The following SLC24A2 variants were observed in gnomAD, a reference collection of about 807,000 sequenced individuals.
The protein encoded by SLC24A2 is solute carrier family 24 member 2.
A neutral mutation model predicts 62.0 loss-of-function variants in SLC24A2; 36 were observed. The ratio of observed to expected loss-of-function variants is 0.58; its 90% CI spans 0.44 to 0.77. The LOEUF is 0.77. Ranked by LOEUF, SLC24A2 falls within the 30% of genes least tolerant of loss-of-function variation. SLC24A2 has a pLI of 0.00. For synonymous variants in SLC24A2, 358 were observed against 294.0 expected (o/e 1.22, Z -2.23); for missense variants, 846 against 817.9 (o/e 1.03, Z -0.42).
chr9:20,027,258 A>T, the SLC24A2 span, among the ~76,000 whole-genome samples: 1 of 152,276 alleles, frequency 6.6e-6, no homozygotes, highest in Admixed American at 6.5e-5. Context: ...CCCCAATATT[A>T]AAAATAGAAC....
At chr9:19,897,923 T>A in the SLC24A2 span, among the ~76,000 whole-genome samples, 1 of 152,234 alleles carries the variant, frequency 6.6e-6, no homozygotes, top group Non-Finnish European at 1.5e-5. Flanking sequence ...CGCGTGTTAT[T>A]CCCCATCCCA....
At chr9:20,298,969 G>C in the SLC24A2 span, among the ~76,000 whole-genome samples, 2 of 152,318 alleles carry the variant, frequency 1.3e-5, no homozygotes, top group South Asian at 4.1e-4. Context: ...GGATCCTAGA[G>C]GACATGCGGC....
At chr9:20,111,663 T>C in the SLC24A2 span, among the ~76,000 whole-genome samples, 1 of 152,122 alleles carries the variant, frequency 6.6e-6, no homozygotes, top group Non-Finnish European at 1.5e-5. Context: ...AATCTGCATC[T>C]TAATAGGTTC....
At chr9:19,691,801 G>A (rs571272891) in intron 2 of SLC24A2, among the ~76,000 whole-genome samples, 1 of 152,102 alleles carries the variant, frequency 6.6e-6, no homozygotes, top group African/African-American at 2.4e-5. Flanking sequence ...GACAAGGACT[G>A]GAGTTCAAGT....
the SLC24A2 span, among the ~76,000 whole-genome samples, chr9:19,841,628 T>G: frequency 6.6e-6 from 1 of 152,202 alleles, no homozygotes; most frequent in Non-Finnish European, 1.5e-5. Flanking sequence ...TTAAATAGTT[T>G]TTCCTTGCCA....
chr9:20,298,773 A>G, the SLC24A2 span, among the ~76,000 whole-genome samples: 1 of 152,250 alleles, frequency 6.6e-6, no homozygotes, highest in African/African-American at 2.4e-5. Context: ...CATTTTAGAA[A>G]TGAGGATCTG....
the SLC24A2 span, among the ~76,000 whole-genome samples, chr9:20,236,095 G>C: frequency 1.3e-5 from 2 of 152,186 alleles, no homozygotes; most frequent in Non-Finnish European, 2.9e-5. Flanking sequence ...CACAGCAAAT[G>C]AGATAGGCGG....
intron 8 of SLC24A2, among the ~76,000 whole-genome samples, chr9:19,535,864 T>C (rs550292141): frequency 5.0e-4 from 76 of 152,246 alleles, no homozygotes; most frequent in Non-Finnish European, 9.7e-4. Context: ...AAGCAGTTTT[T>C]CCAATTCTGT....
chr9:19,973,916 T>C, the SLC24A2 span, among the ~76,000 whole-genome samples: 1 of 152,202 alleles, frequency 6.6e-6, no homozygotes, highest in South Asian at 2.1e-4. Context: ...GCATGTTTTG[T>C]TTCCCTATAG....
At chr9:20,113,696 C>G in the SLC24A2 span, among the ~76,000 whole-genome samples, 4 of 151,904 alleles carry the variant, frequency 2.6e-5, no homozygotes, top group African/African-American at 9.7e-5. Flanking sequence ...ATATGTGTAT[C>G]CATTATATTA....
the SLC24A2 span, among the ~76,000 whole-genome samples, chr9:20,064,105 G>A: frequency 1.3e-5 from 2 of 152,006 alleles, no homozygotes; most frequent in African/African-American, 4.8e-5. Context: ...GAATAAATGT[G>A]GTATATCCAT....
intron 7 of SLC24A2, among the ~76,000 whole-genome samples, chr9:19,562,516 T>C (rs1835453127): frequency 6.6e-6 from 1 of 152,188 alleles, no homozygotes; most frequent in South Asian, 2.1e-4. Flanking sequence ...CTGATCTGTA[T>C]CTATTTCATC....
At chr9:19,548,693 C>T (rs962719099) in intron 8 of SLC24A2, among the ~76,000 whole-genome samples, 1 of 152,118 alleles carries the variant, frequency 6.6e-6, no homozygotes, top group African/African-American at 2.4e-5. Flanking sequence ...GGCTGATGCA[C>T]CTAACAAGAA....
At chr9:19,528,352 A>T (rs1285467619) in intron 8 of SLC24A2, among the ~76,000 whole-genome samples, 1 of 152,328 alleles carries the variant, frequency 6.6e-6, no homozygotes, top group South Asian at 2.1e-4. Context: ...GAGTGATCAC[A>T]GTGCTGGCTC....
the SLC24A2 span, among the ~76,000 whole-genome samples, chr9:20,169,529 G>A: frequency 3.3e-3 from 507 of 152,136 alleles, no homozygotes; most frequent in South Asian, 0.013. Context: ...AACCCCCAGT[G>A]TTAGCCTGAA....
At chr9:20,074,562 GAA>G in the SLC24A2 span, among the ~76,000 whole-genome samples, 3 of 61,734 alleles carry the variant, frequency 4.9e-5, no homozygotes, top group African/African-American at 6.8e-5. Flanking sequence ...AGGCAGGAAG[GAA>G]GGAAGGAAGG....
the SLC24A2 span, among the ~76,000 whole-genome samples, chr9:20,295,065 T>TAC: frequency 0.07 from 9,975 of 142,442 alleles, 368 homozygotes; most frequent in Non-Finnish European, 0.082. Context: ...CACACACACA[T>TAC]ACACACACAC....
chr9:19,545,171 T>G (rs552660534), intron 8 of SLC24A2, among the ~76,000 whole-genome samples: 1 of 152,122 alleles, frequency 6.6e-6, no homozygotes, highest in African/African-American at 2.4e-5. Flanking sequence ...TTCATTTCAT[T>G]AAGTTGATCT....
At chr9:20,297,277 G>T in the SLC24A2 span, among the ~76,000 whole-genome samples, 1 of 152,180 alleles carries the variant, frequency 6.6e-6, no homozygotes, top group East Asian at 1.9e-4. Flanking sequence ...TCAAAATCCA[G>T]GTTAGGACCC....
Sources: allele counts gnomAD v4.1 joint callset (sites outside exome capture counted in the v4.1 genomes callset), GRCh38; gene constraint gnomAD v4.1.1; transcripts MANE v1.5; gene names NCBI Gene and HGNC (gene_info 2026-07-23, HGNC 2026-07-21).